The following KRT5 variants were observed in gnomAD, a reference collection of about 807,000 sequenced individuals.
KRT5 encodes keratin 5, also known as keratin, type II cytoskeletal 5.
KRT5 carries 17 observed loss-of-function variants against 44.0 expected under a neutral mutation model. The ratio of observed to expected loss-of-function variants is 0.39; its 90% CI spans 0.26 to 0.58. KRT5 has a LOEUF of 0.58. Ranked by LOEUF, KRT5 falls within the 20% of genes least tolerant of loss-of-function variation. The pLI is 0.61. For synonymous variants in KRT5, 329 were observed against 312.8 expected, an observed-to-expected ratio of 1.05 and a Z score of -0.55; for missense variants, 737 against 785.5, an observed-to-expected ratio of 0.94 and a Z score of 0.74.
chr12:52,520,092 C>A lies in KRT5; in HGVS notation c.205G>T (p.Gly69Trp). Residue 69 changes from glycine (G) to tryptophan (W), a missense_variant, in exon 1 of 9, where the codon GGG becomes TGG. By Grantham distance (184) the Gly-to-Trp change is radical. This residue lies in a region of KRT5 where 326 missense variants were observed against 333.1 expected (regional missense o/e 0.98). Transcript: ENST00000252242. Reference sequence around the variant, plus strand: ...CTGATGGATATCCTCTTGGAGCCCCCCAGGTTGTAGAGGCTCCGGCTGCCA... The same window carrying A: ...CTGATGGATATCCTCTTGGAGCCCCACAGGTTGTAGAGGCTCCGGCTGCCA... ...GYGSRSLYNLGGSKRISISTS... is the reference protein window; with the variant it reads ...GYGSRSLYNLWGSKRISISTS... The A allele has an allele frequency of 6.2e-7, 1 of 1,614,138 alleles. No individual in the cohort carries two copies. Among genetic ancestry groups the A allele is most frequent in the Non-Finnish European group, 8.5e-7 (1 of 1,179,998 alleles).
chr12:52,519,662 C>A lies in KRT5; in HGVS notation c.555+80G>T, dbSNP rs11170163. 937 of 1,449,278 alleles carry A rather than the reference C, an allele frequency of 6.5e-4. 4 individuals carry two copies. The African/African-American group carries it at 0.012, about 18-fold the overall frequency. 89.8% of individuals were successfully genotyped at this position (1,449,278 alleles called of 1,614,324 possible). A position where few individuals can be genotyped will look rare whatever the true frequency, so the allele number is the denominator to read the frequency against. ...CAACTATAAAAGTATTTGCACAAAG[C>A]CAAAACATCTTCCTTCTTTCTCTCT... On this transcript the variant is annotated intron_variant, in intron 1 of 8. Transcript: ENST00000252242.
At position 52,520,044 on chromosome 12, in the gene KRT5, T is replaced by G; in HGVS notation, c.253A>C (p.Asn85His). 6.2e-7 allele frequency: 1 copy of G among 1,613,980 alleles called. No homozygotes were observed. Among genetic ancestry groups the G allele is most frequent in the South Asian group, 1.1e-5 (1 of 91,056 alleles). ...CCTCCAGCACCAGCACCAAACCGGT[T>G]CCTGAAGCTGCCACCACTAGTGCTG... Reference protein sequence around the residue: ...SISTSGGSFRNRFGAGAGGGY... With the variant: ...SISTSGGSFRHRFGAGAGGGY... The change falls in exon 1 of 9, where the codon AAC becomes CAC. Residue 85 changes from asparagine (N) to histidine (H), a missense_variant. By Grantham distance (68) the Asn-to-His change is moderately conservative. Around this residue, in one of 5 missense-constraint regions of KRT5, gnomAD observed 326 missense variants for 333.1 expected, o/e 0.98. Transcript: ENST00000252242.
At chr12:52,517,052 G>C (rs1938622824) in intron 6 of KRT5, 55 bp downstream of exon 6, 1 of 1,605,178 alleles carries the variant, frequency 6.2e-7, no homozygotes, top group Non-Finnish European at 8.5e-7. Flanking sequence ...AAACAAAGTA[G>C]GTGTTTCTTT....
Position 52,515,114 on chromosome 12 carries a change from G to T in KRT5, c.1601C>A (p.Ser534Tyr). The T allele has an allele frequency of 6.2e-7, 1 of 1,611,664 alleles. No homozygotes were observed. Among genetic ancestry groups the T allele is most frequent in the Middle Eastern group, 1.7e-4 (1 of 6,054 alleles). Residue 534 changes from serine (S) to tyrosine (Y), a missense_variant, in exon 9 of 9, where the codon TCC (serine) becomes TAC (tyrosine). Ser to Tyr is a moderately radical substitution (Grantham distance 144). This residue lies in a region of KRT5 where 344 missense variants were observed against 351.6 expected (regional missense o/e 0.98). Coordinates refer to ENST00000252242, the MANE Select transcript of KRT5 (RefSeq NM_000424.4). Reference protein sequence around the residue: ...LAGGSSGSYYSSSSGGVGLGG... With the variant: ...LAGGSSGSYYYSSSGGVGLGG... Reference sequence around the variant, plus strand: ...TAGGCCGACACCCCCACTGCTGCTGGAGTAGTAGCTTCCACTGCTACCTCC... The same window carrying T: ...TAGGCCGACACCCCCACTGCTGCTGTAGTAGTAGCTTCCACTGCTACCTCC...
rs1296666308 is a variant in KRT5, at chr12:52,519,979, A to G, written c.318T>C (p.Gly106=). ...AGCCACCACCAGCTCCACCGCCGAA[A>G]CCAAATCCACTACCGGCACCACCTC... ...GFGGGAGSGF[G]FGGGAGGGFG... Residue 106 remains glycine (G), a synonymous_variant, in exon 1 of 9, where the codon GGT becomes GGC. Coordinates refer to ENST00000252242, the MANE Select transcript of KRT5 (RefSeq NM_000424.4). 3.7e-6 allele frequency: 6 copies of G among 1,612,186 alleles called. No homozygotes were observed. Among genetic ancestry groups the G allele is most frequent in the Non-Finnish European group, 5.1e-6 (6 of 1,179,090 alleles).
chr12:52,516,558 A>T, intron 7 of KRT5, 79 bp downstream of exon 7: 1 of 1,278,652 alleles, frequency 7.8e-7, no homozygotes, highest in East Asian at 2.3e-5. Flanking sequence ...GATCTCATGT[A>T]TGTGTGTTGT....
chr12:52,519,016 C>A lies in KRT5; in HGVS notation c.700G>T (p.Val234Leu). 6.2e-7 allele frequency: 1 copy of A among 1,614,196 alleles called. No homozygotes were observed. Residue 234 changes from valine to leucine, a missense_variant, in exon 2 of 9, where the codon GTG (valine) becomes TTG (leucine). By Grantham distance (32) the Val-to-Leu change is conservative. Around this residue, in one of 5 missense-constraint regions of KRT5, gnomAD observed 326 missense variants for 333.1 expected, o/e 0.98. Transcript: ENST00000252242. ...GAGTCCAGGCGGCCCCGTTCCCCCA[C>A]GATGCTGTCCAGCTGCCTCCTGAGG... ...NNLRRQLDSI[V>L]GERGRLDSEL...
At position 52,517,201 on chromosome 12, in the gene KRT5, T is replaced by C. The variant is rs757166763; in HGVS notation, c.1124A>G (p.His375Arg). The C allele has an allele frequency of 3.4e-5, 55 of 1,613,940 alleles. No homozygotes were observed. The Admixed American group carries it at 7.0e-4, about 21-fold the overall frequency. ...YEELQQTAGR[H>R]GDDLRNTKHE... The stretch of plus-strand genomic sequence containing the variant: ...CTTGGTGTTGCGGAGGTCATCGCCA[T>C]GCCGGCCAGCTGTCTGCTGCAGCTC... Residue 375 changes from histidine to arginine, a missense_variant, in exon 6 of 9, where the codon CAT (histidine) becomes CGT (arginine). Physicochemically the swap from His to Arg is conservative, Grantham distance 29. Transcript: ENST00000252242.
rs267607443 is a variant in KRT5, at chr12:52,519,748, G to A, written c.549C>T (p.Ile183=). ...KTLNNKFASF[I]DKVRFLEQQN... ...ACAAAAGATCGTAGCTCACCTTGTC[G>A]ATGAAGGAGGCAAACTTATTGTTGA... Residue 183 remains isoleucine, a synonymous_variant, in exon 1 of 9, where the codon ATC becomes ATT. Coordinates refer to ENST00000252242, the MANE Select transcript of KRT5 (RefSeq NM_000424.4). The A allele has an allele frequency of 5.0e-6, 8 of 1,613,684 alleles. No homozygotes were observed. The highest frequency in any genetic ancestry group is 2.2e-5 in the East Asian group (1 of 44,870).
chr12:52,516,768 C>T lies in KRT5; in HGVS notation c.1308G>A (p.Glu436=). Residue 436 remains glutamate (E), a synonymous_variant, in exon 7 of 9, where the codon GAG becomes GAA. Transcript: ENST00000252242. Reference sequence around the variant, plus strand: ...CCTGCTTGGCCTTCTGCAGGGCCTCCTCCAGCTCGGCCAGCTTGTTCCTGG... The same window carrying T: ...CCTGCTTGGCCTTCTGCAGGGCCTCTTCCAGCTCGGCCAGCTTGTTCCTGG... ...KDARNKLAEL[E]EALQKAKQDM... The T allele has an allele frequency of 6.2e-7, 1 of 1,614,246 alleles. No homozygotes were observed. Among genetic ancestry groups the T allele is most frequent in the Non-Finnish European group, 8.5e-7 (1 of 1,180,050 alleles).
rs959019519 is a variant in KRT5 at position 52,517,014 on chromosome 12, G to A, written c.1218+93C>T. On this transcript the variant is annotated intron_variant, in intron 6 of 8. Coordinates refer to ENST00000252242, the MANE Select transcript of KRT5 (RefSeq NM_000424.4). The stretch of plus-strand genomic sequence containing the variant: ...AAACACTGGTACTGGATCTAGCTGC[G>A]TGTGTTTAGCAAAAGTAAAACAAAA... 3.3e-5 allele frequency: 50 copies of A among 1,531,086 alleles called. No homozygotes were observed. The Middle Eastern group carries it at 5.9e-4, about 18-fold the overall frequency. 94.8% of individuals were successfully genotyped at this position (1,531,086 alleles called of 1,614,324 possible). A position where few individuals can be genotyped will look rare whatever the true frequency, so the allele number is the denominator to read the frequency against.
At chr12:52,515,579 A>T (rs1938597050) in intron 8 of KRT5, 1 of 643,886 alleles carries the variant, frequency 1.6e-6, no homozygotes, top group African/African-American at 1.8e-5. Context: ...GAAGCATAGG[A>T]TGCATGGCTT....
chr12:52,520,332 ACT>A lies in KRT5; in HGVS notation c.-38_-37del. 3 of 1,603,392 alleles carry A rather than the reference ACT, an allele frequency of 1.9e-6. No individual in the cohort carries two copies. Among genetic ancestry groups the A allele is most frequent in the Non-Finnish European group, 2.6e-6 (3 of 1,172,898 alleles). ...TCCTGGTGGAGCAAGAGAACCAGGC[ACT>A]AGTGGGTTGGGAGGTGCTGGAGAGA... On this transcript the variant is annotated 5_prime_UTR_variant, in exon 1 of 9. Transcript: ENST00000252242.
At chr12:52,518,796 A>C in intron 2 of KRT5, 150 bp downstream of exon 2, 1 of 962,970 alleles carries the variant, frequency 1.0e-6, no homozygotes, top group South Asian at 1.5e-5. Context: ...TGGCTTGTGT[A>C]TTTGTTTGTT....
rs1938661251 is a variant in KRT5 at position 52,518,879 on chromosome 12, T to C, written c.770+67A>G. The C allele has an allele frequency of 2.1e-5, 33 of 1,592,386 alleles. 1 individual carries two copies. The South Asian group carries it at 3.4e-4, about 17-fold the overall frequency. On this transcript the variant is annotated intron_variant, in intron 2 of 8. Coordinates refer to ENST00000252242, the MANE Select transcript of KRT5 (RefSeq NM_000424.4). ...AAAGGAAGGCATGGTAGTAGACTAG[T>C]AACAAAGCCCATCTGGTACCAAGAA...
At chr12:52,518,795 T>G (rs1592194745) in intron 2 of KRT5, 151 bp downstream of exon 2, 1 of 953,786 alleles carries the variant, frequency 1.0e-6, no homozygotes, top group Non-Finnish European at 1.6e-6. Flanking sequence ...CTGGCTTGTG[T>G]ATTTGTTTGT....
rs750633567 is a variant in KRT5 at position 52,517,965 on chromosome 12, C to T, written c.859G>A (p.Val287Met). 3.1e-6 allele frequency: 5 copies of T among 1,614,074 alleles called. No homozygotes were observed. In the South Asian group the frequency reaches 4.4e-5, roughly 14 times the overall value. ...GCATCAACCTTGGCCTCCAGCTCCA[C>T]CTTGTTCATGTAGGCAGCATCTACA... is the stretch of plus-strand genomic sequence containing the variant. The part of the protein sequence containing the change: ...KDVDAAYMNK[V>M]ELEAKVDALM... The change falls in exon 4 of 9, where the codon GTG becomes ATG. Residue 287 changes from valine to methionine, a missense_variant. Physicochemically the swap from Val to Met is conservative, Grantham distance 21. This residue lies in a region of KRT5 where 59 missense variants were observed against 62.5 expected (regional missense o/e 0.94). Transcript: ENST00000252242.
chr12:52,520,035 C>A lies in KRT5; in HGVS notation c.262G>T (p.Gly88Cys), dbSNP rs770910564. The part of the protein sequence containing the change: ...TSGGSFRNRF[G>C]AGAGGGYGFG... The stretch of plus-strand genomic sequence containing the variant: ...CCATAGCCGCCTCCAGCACCAGCAC[C>A]AAACCGGTTCCTGAAGCTGCCACCA... Residue 88 changes from glycine to cysteine, a missense_variant, in exon 1 of 9, where the codon GGT (glycine) becomes TGT (cysteine). Around this residue, in one of 5 missense-constraint regions of KRT5, gnomAD observed 326 missense variants for 333.1 expected, o/e 0.98. Coordinates refer to ENST00000252242, the MANE Select transcript of KRT5 (RefSeq NM_000424.4). The A allele has an allele frequency of 2.5e-6, 4 of 1,613,964 alleles. No homozygotes were observed. The highest frequency in any genetic ancestry group is 1.7e-5 in the Admixed American group (1 of 59,998).
In KRT5 at chr12:52,517,658, C is replaced by T. The variant is rs1938633476; in HGVS notation, c.1024G>A (p.Val342Ile). ...NLDLDSIIAE[V>I]KAQYEEIANR... ...GCAATCTCCTCATACTGGGCCTTGA[C>T]CTCAGCGATGATGCTATCCAGGTCC... The change falls in exon 5 of 9, where the codon GTC (valine) becomes ATC (isoleucine). Residue 342 changes from valine to isoleucine, a missense_variant. By Grantham distance (29) the Val-to-Ile change is conservative (BLOSUM62 3). Around this residue, in one of 5 missense-constraint regions of KRT5, gnomAD observed 344 missense variants for 351.6 expected, o/e 0.98. Transcript: ENST00000252242. 6.2e-7 allele frequency: 1 copy of T among 1,614,198 alleles called. No homozygotes were observed. The highest frequency in any genetic ancestry group is 8.5e-7 in the Non-Finnish European group (1 of 1,180,036).
Sources: allele counts gnomAD v4.1 joint callset, GRCh38; gene constraint gnomAD v4.1.1; regional missense constraint gnomAD v4.1.1; transcripts MANE v1.5; gene names NCBI Gene and HGNC (gene_info 2026-07-23, HGNC 2026-07-21).